The following ANAPC1 variants were observed in gnomAD, a reference collection of about 807,000 sequenced individuals.
ANAPC1 encodes the protein anaphase promoting complex subunit 1.
A neutral mutation model predicts 208.0 loss-of-function variants in ANAPC1; 36 were observed. The ratio of observed to expected loss-of-function variants is 0.17; its 90% CI spans 0.13 to 0.23. The LOEUF is 0.23. Ranked by LOEUF, ANAPC1 falls within the 10% of genes least tolerant of loss-of-function variation. ANAPC1 has a pLI of 1.00. For synonymous variants in ANAPC1, 378 were observed against 695.2 expected, an observed-to-expected ratio of 0.54 and a Z score of 7.18; for missense variants, 942 against 2,011.6, an observed-to-expected ratio of 0.47 and a Z score of 10.17.
In ANAPC1 at chr2:111,864,898, C is replaced by T; in HGVS notation, c.739G>A (p.Val247Ile). 6.2e-7 allele frequency: 1 copy of T among 1,611,630 alleles called. No individual in the cohort carries two copies. The highest frequency in any genetic ancestry group is 2.2e-5 in the East Asian group (1 of 44,866). Residue 247 changes from valine to isoleucine, a missense_variant, in exon 8 of 48, where the codon GTT (valine) becomes ATT (isoleucine). Val to Ile is a conservative substitution (Grantham distance 29). Transcript: ENST00000341068. ...QYVVDHAMKI[V>I]FLNTDPSIVM... ...ATAGAGGGGTCAGTATTGAGGAAAA[C>T]AATTTTCATTGCATGATCTACAACA...
chr2:111,874,805 AATG>A (rs1475886440), intron 3 of ANAPC1, among the ~76,000 whole-genome samples: 1 of 152,176 alleles, frequency 6.6e-6, no homozygotes, highest in East Asian at 1.9e-4. Flanking sequence ...GCTGGATCAT[AATG>A]GTAATTCTAA....
chr2:111,825,366 C>T lies in ANAPC1; in HGVS notation c.2705-199G>A, dbSNP rs372069589. 5.3e-3 allele frequency among the ~76,000 whole-genome samples: 801 copies of T among 152,248 alleles called. 8 individuals are homozygous for T. Among genetic ancestry groups the T allele is most frequent in the African/African-American group, 0.017 (697 of 41,534 alleles). ...AGGGGATTGGTTAGGACACCCCATG[C>T]GTACCCAAATCCGTGCATGCTCAAG... On this transcript the variant is annotated intron_variant, in intron 22 of 47. Transcript: ENST00000341068.
In ANAPC1 at chr2:111,825,039, A is replaced by G. The variant is rs374649331; in HGVS notation, c.2742-3T>C. ...ATGTAGAATGCCTGAAACTAAACCTATAAGAGAATAAAACATAAAGTTATT... is the reference window on the plus strand; with the variant it reads ...ATGTAGAATGCCTGAAACTAAACCTGTAAGAGAATAAAACATAAAGTTATT... On this transcript the variant is annotated splice_polypyrimidine_tract_variant and splice_region_variant and intron_variant, in intron 23 of 47. Coordinates refer to ENST00000341068, the MANE Select transcript of ANAPC1 (RefSeq NM_022662.4). 698 of 1,613,940 alleles carry G rather than the reference A, an allele frequency of 4.3e-4. 1 individual carries two copies. Among genetic ancestry groups the G allele is most frequent in the Non-Finnish European group, 4.1e-4 (481 of 1,179,844 alleles).
intron 26 of ANAPC1, among the ~76,000 whole-genome samples, chr2:111,820,816 A>T (rs1228812235): frequency 1.3e-5 from 2 of 152,182 alleles, no homozygotes; most frequent in Non-Finnish European, 1.5e-5. Flanking sequence ...ATCCAAAAAA[A>T]AAAAATACTC....
chr2:111,863,936 A>G (rs963052578), intron 8 of ANAPC1, 41 bp from the exon 9 acceptor site: 1 of 1,517,642 alleles, frequency 6.6e-7, no homozygotes, highest in Non-Finnish European at 8.8e-7. Flanking sequence ...AAAAAAAAAC[A>G]ATAATTAGAA....
chr2:111,810,307 G>GGGGA (rs1678905085), intron 28 of ANAPC1, among the ~76,000 whole-genome samples: 2 of 149,188 alleles, frequency 1.3e-5, no homozygotes, highest in African/African-American at 2.5e-5. Flanking sequence ...GAAGGTGGGG[G>GGGGA]GGGGTGAGGT....
chr2:111,820,829 A>G (rs920059556), intron 26 of ANAPC1, among the ~76,000 whole-genome samples: 5 of 152,214 alleles, frequency 3.3e-5, no homozygotes, highest in South Asian at 2.1e-4. Context: ...AAATACTCAT[A>G]CAAGTTTAAA....
chr2:111,851,810 C>CAG (rs1681416898), intron 13 of ANAPC1, among the ~76,000 whole-genome samples: 1 of 143,268 alleles, frequency 7.0e-6, no homozygotes, highest in Non-Finnish European at 1.5e-5. Flanking sequence ...AACTCTGTCT[C>CAG]AAAAAAAAAA....
chr2:111,775,729 G>C (rs1433411931), intron 46 of ANAPC1, among the ~76,000 whole-genome samples: 5 of 152,024 alleles, frequency 3.3e-5, no homozygotes, highest in Non-Finnish European at 5.9e-5. Flanking sequence ...CAGGGAATCT[G>C]CAAAGATTTA....
rs1678044211 is a variant in ANAPC1 at position 111,794,293 on chromosome 2, G to A, written c.4404C>T (p.Ala1468=). The part of the protein sequence containing the change: ...SQAHVYIIAG[A]CLSLGFRFAG... ...CAAATCGAAAACCCAGAGACAAGCA[G>A]GCTCCTGCAATTATGTAGACATGTG... Residue 1468 remains alanine, a synonymous_variant, in exon 36 of 48, where the codon GCC becomes GCT. Coordinates refer to ENST00000341068, the MANE Select transcript of ANAPC1 (RefSeq NM_022662.4). 4 of 1,613,088 alleles carry A rather than the reference G, an allele frequency of 2.5e-6. No individual in the cohort carries two copies. The highest frequency in any genetic ancestry group is 3.4e-6 in the Non-Finnish European group (4 of 1,179,568).
intron 26 of ANAPC1, among the ~76,000 whole-genome samples, chr2:111,820,447 CA>C (rs1462858452): frequency 6.8e-6 from 1 of 147,656 alleles, no homozygotes; most frequent in Non-Finnish European, 1.5e-5. Context: ...TCTGTCACTC[CA>C]TCTTTTTATT....
rs542983862 is a variant in ANAPC1, at chr2:111,856,128, G to C, written c.1515+486C>G. Among the ~76,000 whole-genome samples the C allele has an allele frequency of 1.7e-4, 26 of 152,242 alleles. No individual in the cohort carries two copies. In the South Asian group the frequency reaches 4.8e-3, roughly 28 times the overall value. On this transcript the variant is annotated intron_variant, in intron 13 of 47. Transcript: ENST00000341068. The stretch of plus-strand genomic sequence containing the variant: ...CAGGCGCCTATAGTCCCAGCTACTC[G>C]GGAGGCTGAGGCAGGAGAATAGTGT...
intron 8 of ANAPC1, 76 bp downstream of exon 8, chr2:111,864,730 T>C (rs1682306743): frequency 6.3e-7 from 1 of 1,598,006 alleles, no homozygotes; most frequent in African/African-American, 1.3e-5. Context: ...CCCAAAATGC[T>C]AGGATTACAG....
intron 33 of ANAPC1, 85 bp downstream of exon 33, chr2:111,802,343 G>A (rs1420789243): frequency 1.2e-5 from 15 of 1,238,310 alleles, no homozygotes; most frequent in Middle Eastern, 1.9e-4. Context: ...GATTACAGGC[G>A]TAAGCCACTG....
intron 14 of ANAPC1, among the ~76,000 whole-genome samples, chr2:111,849,219 C>T (rs541102195): frequency 3.3e-5 from 5 of 152,226 alleles, no homozygotes; most frequent in Non-Finnish European, 5.9e-5. Context: ...GTGGAAAAGC[C>T]ATCAATCAGC....
intron 2 of ANAPC1, 133 bp from the exon 3 acceptor site, chr2:111,879,104 T>G (rs1683165972): frequency 1.2e-6 from 1 of 844,726 alleles, no homozygotes; most frequent in Non-Finnish European, 1.8e-6. Context: ...GTACACTGAT[T>G]AACGGAGGAT....
intron 18 of ANAPC1, among the ~76,000 whole-genome samples, chr2:111,835,139 C>T (rs567672822): frequency 1.5e-4 from 23 of 151,814 alleles, no homozygotes; most frequent in Non-Finnish European, 3.1e-4. Context: ...AAGAATTATA[C>T]TATTTAGGTA....
intron 6 of ANAPC1, 36 bp downstream of exon 6, chr2:111,872,594 C>G (rs536406518): frequency 6.6e-7 from 1 of 1,512,226 alleles, no homozygotes; most frequent in Non-Finnish European, 9.2e-7. Context: ...ACACAAATCC[C>G]AAGCAGTAAT....
intron 2 of ANAPC1, 44 bp downstream of exon 2, chr2:111,880,569 T>C: frequency 1.3e-6 from 2 of 1,547,352 alleles, no homozygotes; most frequent in Non-Finnish European, 1.7e-6. Context: ...AAGTAGATTA[T>C]ATCACTCTAC....
Sources: gnomAD v4.1 joint callset for allele counts (sites outside exome capture counted in the v4.1 genomes callset) on GRCh38, gnomAD v4.1.1 for gene constraint, MANE v1.5 for transcripts, NCBI Gene and HGNC (gene_info 2026-07-23, HGNC 2026-07-21) for gene names.